The following AAK1 variants were observed in gnomAD, a reference collection of about 807,000 sequenced individuals.
The protein encoded by AAK1 is AP2-associated protein kinase 1.
In AAK1, 37 loss-of-function variants were observed where a neutral mutation model predicts 116.0. That is an observed-to-expected ratio of 0.32 (90% CI 0.25 to 0.42). The LOEUF is 0.42. Among genes scored for constraint, AAK1 ranks in the 10% least tolerant of loss-of-function variants. The pLI, the probability that AAK1 is intolerant of heterozygous loss-of-function variation, is 1.00. For missense variants in AAK1, 919 were observed against 1,170.6 expected (o/e 0.79, Z 3.14); for synonymous variants, 458 against 439.9 (o/e 1.04, Z -0.51).
chr2:69,476,004 G>A, intron 21 of AAK1, 41 bp from the exon 22 acceptor site: 2 of 1,584,536 alleles, frequency 1.3e-6, no homozygotes, highest in Non-Finnish European at 1.7e-6. Context: ...AAACATAGAG[G>A]GTTAAGGTTT....
At chr2:69,561,062 A>T (rs1480053779) in intron 2 of AAK1, among the ~76,000 whole-genome samples, 1 of 152,202 alleles carries the variant, frequency 6.6e-6, no homozygotes, top group Non-Finnish European at 1.5e-5. Context: ...TTGTATGTGA[A>T]ATCTCCACAT....
intron 2 of AAK1, among the ~76,000 whole-genome samples, chr2:69,593,876 A>C (rs11693363): frequency 0.1 from 15,624 of 152,272 alleles, 889 homozygotes; most frequent in Non-Finnish European, 0.12. Flanking sequence ...AGGTAGCTCC[A>C]GACTGTAATC....
chr2:69,607,874 G>C (rs1486993051), intron 2 of AAK1, among the ~76,000 whole-genome samples: 1 of 152,172 alleles, frequency 6.6e-6, no homozygotes, highest in Non-Finnish European at 1.5e-5. Context: ...TCATCAGGTG[G>C]AGTTGGTCAA....
At position 69,460,735 on chromosome 2, in the gene AAK1, C is replaced by G. The variant is rs145550125; in HGVS notation, c.*15134G>C. 2.0e-5 allele frequency: 3 copies of G among 152,306 alleles called. No individual in the cohort carries two copies. The highest frequency in any genetic ancestry group is 7.2e-5 in the African/African-American group (3 of 41,562). The allele number at this position is 152,306 out of a possible 1,614,324, so 9.4% of individuals were successfully genotyped here. ...TGCTTCAGCATCAAATTGTGTTCATCCCATTTTCTAATCTAACCAAGCACT... is the reference window on the plus strand; with the variant it reads ...TGCTTCAGCATCAAATTGTGTTCATGCCATTTTCTAATCTAACCAAGCACT... On this transcript the variant is annotated 3_prime_UTR_variant, in exon 22 of 22. Coordinates refer to ENST00000409085, the MANE Select transcript of AAK1 (RefSeq NM_014911.5).
intron 3 of AAK1, among the ~76,000 whole-genome samples, chr2:69,555,919 A>G (rs1671369653): frequency 6.6e-6 from 1 of 152,014 alleles, no homozygotes; most frequent in Admixed American, 6.6e-5. Flanking sequence ...CTACTCTAAC[A>G]AATTCCCATA....
At chr2:69,575,957 A>G (rs1672299355) in intron 2 of AAK1, among the ~76,000 whole-genome samples, 3 of 152,188 alleles carry the variant, frequency 2.0e-5, no homozygotes, top group Admixed American at 1.3e-4. Flanking sequence ...CTGATGGGCT[A>G]ATTTCCTAGA....
chr2:69,561,050 A>C (rs1157489976), intron 2 of AAK1, among the ~76,000 whole-genome samples: 1 of 152,166 alleles, frequency 6.6e-6, no homozygotes, highest in Admixed American at 6.5e-5. Flanking sequence ...AGAAACCCAA[A>C]ATTGTATGTG....
chr2:69,514,630 T>TGC lies in AAK1; in HGVS notation c.1616_1617insGC (p.Gln540HisfsTer18). The TGC allele has an allele frequency of 4.4e-6, 5 of 1,144,768 alleles. No homozygotes were observed. The highest frequency in any genetic ancestry group is 6.1e-6 in the Non-Finnish European group (5 of 818,618). 70.9% of individuals were successfully genotyped at this position (1,144,768 alleles called of 1,614,324 possible). On this transcript the variant is annotated frameshift_variant, in exon 13 of 22. Transcript: ENST00000409085. LOFTEE classifies it high-confidence loss of function. ...CCAGCTGTTGCTGTTGCTGTTGTTG[T>TGC]TGCTGCTGCTGCTGCTGCTGGTAGA...
At chr2:69,512,030 T>C (rs1313201365) in intron 13 of AAK1, among the ~76,000 whole-genome samples, 1 of 152,170 alleles carries the variant, frequency 6.6e-6, no homozygotes, top group East Asian at 1.9e-4. Context: ...CAAATGCTCA[T>C]TCAAGGTCAC....
rs202041910 is a variant in AAK1 at position 69,509,314 on chromosome 2, G to A, written c.1923C>T (p.His641=). 1.4e-5 allele frequency: 23 copies of A among 1,613,984 alleles called. No homozygotes were observed. Among genetic ancestry groups the A allele is most frequent in the Non-Finnish European group, 4.2e-6 (5 of 1,179,892 alleles). The change falls in exon 14 of 22, where the codon CAC becomes CAT. Residue 641 remains histidine, a synonymous_variant. Transcript: ENST00000409085. The part of the protein sequence containing the change: ...GHRRILSDVT[H]SAVFGVPASK... The stretch of plus-strand genomic sequence containing the variant: ...TGGCAGGGACCCCAAAGACTGCACT[G>A]TGGGTTACGTCACTGAGAATACGCC...
chr2:69,458,438 A>G lies in AAK1; in HGVS notation c.*17431T>C, dbSNP rs766817389. 1.3e-5 allele frequency: 2 copies of G among 152,608 alleles called. No individual in the cohort carries two copies. The highest frequency in any genetic ancestry group is 2.9e-5 in the Non-Finnish European group (2 of 68,040). The allele number at this position is 152,608 out of a possible 1,614,324, so 9.5% of individuals were successfully genotyped here. A position where few individuals can be genotyped will look rare whatever the true frequency, so the allele number is the denominator to read the frequency against. ...TGTTCTGGTCACTGCTACCCTCTCA[A>G]TGCCACACATGAGCCCTCAGGGTGA... On this transcript the variant is annotated 3_prime_UTR_variant, in exon 22 of 22. Transcript: ENST00000409085.
intron 2 of AAK1, among the ~76,000 whole-genome samples, chr2:69,639,597 T>C (rs966703659): frequency 6.6e-6 from 1 of 152,128 alleles, no homozygotes; most frequent in African/African-American, 2.4e-5. Flanking sequence ...TCTTTTTGTC[T>C]TACCCAGCAC....
In AAK1 at chr2:69,643,596, C is replaced by T. The variant is rs1230230636; in HGVS notation, c.-256G>A. The T allele has an allele frequency of 1.6e-6, 2 of 1,228,672 alleles. No homozygotes were observed. The highest frequency in any genetic ancestry group is 3.1e-5 in the African/African-American group (2 of 64,222). The allele number at this position is 1,228,672 out of a possible 1,614,324, so 76.1% of individuals were successfully genotyped here. Reference sequence around the variant, plus strand: ...CCACTTGAGACGGCTCGGCGGCCGGCGCCCTGCTACCAGCCCCGCGACATT... The same window carrying T: ...CCACTTGAGACGGCTCGGCGGCCGGTGCCCTGCTACCAGCCCCGCGACATT... On this transcript the variant is annotated 5_prime_UTR_variant, in exon 1 of 22. Transcript: ENST00000409085.
chr2:69,475,804 C>T lies in AAK1; in HGVS notation c.*65G>A, dbSNP rs531686141. On this transcript the variant is annotated 3_prime_UTR_variant, in exon 22 of 22. Coordinates refer to ENST00000409085, the MANE Select transcript of AAK1 (RefSeq NM_014911.5). The stretch of plus-strand genomic sequence containing the variant: ...TTTAAAAAAATCATTTTTTTCATAA[C>T]TCCGTAATGAAAATGTATTTTACGG... 1,028 of 1,520,862 alleles carry T rather than the reference C, an allele frequency of 6.8e-4. 2 individuals carry two copies. The highest frequency in any genetic ancestry group is 8.4e-4 in the Non-Finnish European group (946 of 1,125,224). 94.2% of individuals were successfully genotyped at this position (1,520,862 alleles called of 1,614,324 possible).
rs1227689179 is a variant in AAK1 at position 69,466,738 on chromosome 2, G to C, written c.*9131C>G. 1 of 985,280 alleles carries C rather than the reference G, an allele frequency of 1.0e-6. No individual in the cohort carries two copies. The highest frequency in any genetic ancestry group is 6.2e-5 in the Admixed American group (1 of 16,258). The allele number at this position is 985,280 out of a possible 1,614,324, so 61.0% of individuals were successfully genotyped here. On this transcript the variant is annotated 3_prime_UTR_variant, in exon 22 of 22. Transcript: ENST00000409085. ...ACAAACTGGAACACAATCAACCACT[G>C]TCTCACGTTTTGGAACATGATAGGC...
At chr2:69,592,084 T>C (rs1053739645) in intron 2 of AAK1, among the ~76,000 whole-genome samples, 2 of 152,102 alleles carry the variant, frequency 1.3e-5, no homozygotes, top group African/African-American at 4.8e-5. Context: ...TCATTGCAGT[T>C]TGGAATCCAA....
At chr2:69,618,241 T>C (rs1314988182) in intron 2 of AAK1, among the ~76,000 whole-genome samples, 1 of 151,444 alleles carries the variant, frequency 6.6e-6, no homozygotes, top group Non-Finnish European at 1.5e-5. Flanking sequence ...AGTAGAGATA[T>C]AAATAAATAT....
chr2:69,597,109 A>C (rs1421334350), intron 2 of AAK1, among the ~76,000 whole-genome samples: 1 of 152,004 alleles, frequency 6.6e-6, no homozygotes, highest in Non-Finnish European at 1.5e-5. Context: ...AAAAAATTTT[A>C]GCTAGTGCTT....
chr2:69,471,978 T>C lies in AAK1; in HGVS notation c.*3891A>G. On this transcript the variant is annotated 3_prime_UTR_variant, in exon 22 of 22. Coordinates refer to ENST00000409085, the MANE Select transcript of AAK1 (RefSeq NM_014911.5). ...TTTCCACAAGTATTAGCAATCCAAG[T>C]TGTGTAATTCTAATTCAGGAAGAGC... 5.1e-6 allele frequency: 5 copies of C among 985,334 alleles called. No individual in the cohort carries two copies. Among genetic ancestry groups the C allele is most frequent in the Non-Finnish European group, 6.0e-6 (5 of 829,812 alleles). 61.0% of individuals were successfully genotyped at this position (985,334 alleles called of 1,614,324 possible). A position where few individuals can be genotyped will look rare whatever the true frequency, so the allele number is the denominator to read the frequency against.
Sources: gnomAD v4.1 joint callset for allele counts (sites outside exome capture counted in the v4.1 genomes callset) on GRCh38, gnomAD v4.1.1 for gene constraint, MANE v1.5 for transcripts, NCBI Gene and HGNC (gene_info 2026-07-23, HGNC 2026-07-21) for gene names.